Variants in EFCAB5 observed in about 807,000 individuals in gnomAD.
EFCAB5 encodes EF-hand calcium binding domain 5.
Under a neutral mutation model 167.9 loss-of-function variants are expected in EFCAB5, and 131 were observed. The observed-to-expected ratio is 0.78, with a 90% CI of 0.68 to 0.90. The LOEUF (loss-of-function observed/expected upper bound fraction) is 0.90, where lower values mean the gene tolerates loss of function less well. EFCAB5 is among the 40% of genes least tolerant of loss of function. The pLI, the probability that EFCAB5 is intolerant of heterozygous loss-of-function variation, is 0.00. For synonymous variants in EFCAB5, 574 were observed against 602.8 expected (o/e 0.95, Z 0.70); for missense variants, 1,663 against 1,745.2 (o/e 0.95, Z 0.84).
At chr17:30,046,758 T>C (rs1011446069) in intron 8 of EFCAB5, among the ~76,000 whole-genome samples, 15 of 152,202 alleles carry the variant, frequency 9.9e-5, no homozygotes, top group Non-Finnish European at 4.4e-5. Flanking sequence ...TTTTCTTTCC[T>C]TAGAGATCCT....
intron 4 of EFCAB5, among the ~76,000 whole-genome samples, chr17:29,978,358 A>T (rs1322550510): frequency 6.6e-6 from 1 of 152,230 alleles, no homozygotes; most frequent in Non-Finnish European, 1.5e-5. Flanking sequence ...TTGTGGTAGG[A>T]CTTTATCCAA....
chr17:30,048,827 A>C (rs944455810), intron 8 of EFCAB5, among the ~76,000 whole-genome samples: 1 of 152,170 alleles, frequency 6.6e-6, no homozygotes, highest in South Asian at 2.1e-4. Context: ...CTCTATTTAC[A>C]TGGCTATTCC....
intron 4 of EFCAB5, among the ~76,000 whole-genome samples, chr17:29,979,406 C>T (rs1399326735): frequency 1.3e-5 from 2 of 152,174 alleles, no homozygotes; most frequent in Non-Finnish European, 2.9e-5. Context: ...TCTATCTGAG[C>T]TACCCAGCAT....
intron 14 of EFCAB5, among the ~76,000 whole-genome samples, chr17:30,075,670 C>T (rs899526708): frequency 2.0e-5 from 3 of 152,114 alleles, no homozygotes; most frequent in Admixed American, 1.3e-4. Flanking sequence ...GTAAGGCCAG[C>T]GTCTTTACCC....
chr17:30,055,925 T>C lies in EFCAB5; in HGVS notation c.2232T>C (p.Cys744=), dbSNP rs1163881364. The change falls in exon 11 of 23, where the codon TGT becomes TGC. Residue 744 remains cysteine, a synonymous_variant. Coordinates refer to ENST00000394835, the MANE Select transcript of EFCAB5 (RefSeq NM_198529.4). Reference sequence around the variant, plus strand: ...AGGAAGTTCAGAAAGACAAGCCCTGTGAACCCAAGTCCCAAAAAATAGAAG... The same window carrying C: ...AGGAAGTTCAGAAAGACAAGCCCTGCGAACCCAAGTCCCAAAAAATAGAAG... The part of the protein sequence containing the change: ...TKKEVQKDKP[C]EPKSQKIEGK... 1.9e-5 allele frequency: 30 copies of C among 1,613,612 alleles called. No individual in the cohort carries two copies. The highest frequency in any genetic ancestry group is 2.5e-5 in the Non-Finnish European group (29 of 1,179,792).
chr17:29,964,156 C>A (rs2067778464), intron 3 of EFCAB5, among the ~76,000 whole-genome samples: 2 of 152,118 alleles, frequency 1.3e-5, no homozygotes, highest in Admixed American at 1.3e-4. Flanking sequence ...TATAGCGACA[C>A]AAAATAAACT....
chr17:30,107,814 C>CTT lies in EFCAB5; in HGVS notation c.4322-12_4322-11dup. On this transcript the variant is annotated intron_variant, in intron 22 of 22. Transcript: ENST00000394835. ...TGCAAAACTCTCCACTCTTACTTTTCTTTTTTTTTCCTGATGCAGATCATT... is the reference window on the plus strand; with the variant it reads ...TGCAAAACTCTCCACTCTTACTTTTCTTTTTTTTTTTCCTGATGCAGATCATT... The CTT allele has an allele frequency of 2.9e-6, 3 of 1,018,160 alleles. No homozygotes were observed. The highest frequency in any genetic ancestry group is 5.4e-5 in the Admixed American group (1 of 18,450). 63.1% of individuals were successfully genotyped at this position (1,018,160 alleles called of 1,614,324 possible).
chr17:30,003,104 G>T (rs115024453), intron 7 of EFCAB5, among the ~76,000 whole-genome samples: 58 of 141,462 alleles, frequency 4.1e-4, no homozygotes, highest in Admixed American at 7.1e-4. Flanking sequence ...TGTAGCGGGG[G>T]GGGGGTCTGA....
chr17:30,045,082 A>T (rs1329419302), intron 8 of EFCAB5, among the ~76,000 whole-genome samples: 1 of 152,218 alleles, frequency 6.6e-6, no homozygotes, highest in Non-Finnish European at 1.5e-5. Flanking sequence ...ATATGAAATT[A>T]TAGAAAAAGG....
At chr17:30,014,053 G>A (rs956269378) in intron 7 of EFCAB5, among the ~76,000 whole-genome samples, 8 of 152,068 alleles carry the variant, frequency 5.3e-5, no homozygotes, top group South Asian at 2.1e-4. Context: ...CCTTCATTTC[G>A]TTATGTACCC....
At chr17:30,017,436 C>A (rs900790284) in intron 7 of EFCAB5, among the ~76,000 whole-genome samples, 1 of 148,096 alleles carries the variant, frequency 6.8e-6, no homozygotes, top group African/African-American at 2.7e-5. Flanking sequence ...TTATATACTA[C>A]GCCACTACAG....
intron 4 of EFCAB5, among the ~76,000 whole-genome samples, chr17:29,969,889 A>C (rs2067913688): frequency 1.3e-5 from 2 of 152,154 alleles, no homozygotes; most frequent in Admixed American, 1.3e-4. Context: ...TCTTTTACAC[A>C]AAAGCATGTG....
chr17:30,072,152 A>G (rs1375310643), intron 14 of EFCAB5, among the ~76,000 whole-genome samples: 1 of 152,202 alleles, frequency 6.6e-6, no homozygotes, highest in Non-Finnish European at 1.5e-5. Flanking sequence ...CAGATTTTGA[A>G]TGTTCCCAAC....
chr17:30,054,208 C>A (rs1051781577), intron 10 of EFCAB5, 60 bp downstream of exon 10: 1 of 1,458,678 alleles, frequency 6.9e-7, no homozygotes, highest in East Asian at 2.5e-5. Context: ...TTTTTAAAGT[C>A]TTTTCAGAAA....
In EFCAB5 at chr17:30,053,533, C is replaced by A. The variant is rs775099687; in HGVS notation, c.1579C>A (p.Gln527Lys). 6.2e-7 allele frequency: 1 copy of A among 1,613,760 alleles called. No homozygotes were observed. Among genetic ancestry groups the A allele is most frequent in the African/African-American group, 1.3e-5 (1 of 74,994 alleles). ...GPQRISIEEQQQGKKPTAEQE... is the reference protein window; with the variant it reads ...GPQRISIEEQKQGKKPTAEQE... Reference sequence around the variant, plus strand: ...ACAAAGAATTTCAATTGAAGAACAACAACAAGGCAAAAAGCCAACTGCAGA... The same window carrying A: ...ACAAAGAATTTCAATTGAAGAACAAAAACAAGGCAAAAAGCCAACTGCAGA... Residue 527 changes from glutamine to lysine, a missense_variant, in exon 10 of 23, where the codon CAA becomes AAA. Physicochemically the swap from Gln to Lys is moderately conservative, Grantham distance 53. Coordinates refer to ENST00000394835, the MANE Select transcript of EFCAB5 (RefSeq NM_198529.4).
At chr17:30,022,834 C>T (rs963252524) in intron 7 of EFCAB5, among the ~76,000 whole-genome samples, 2 of 152,114 alleles carry the variant, frequency 1.3e-5, no homozygotes, top group African/African-American at 4.8e-5. Context: ...AACTATCTCT[C>T]GGACCACAGT....
Position 30,053,880 on chromosome 17 carries a change from A to G in EFCAB5, c.1926A>G (p.Ser642=), listed in dbSNP as rs1490803774. Residue 642 remains serine (S), a synonymous_variant, in exon 10 of 23, where the codon TCA becomes TCG. Transcript: ENST00000394835. ...CAGAACAGGGATCACTCAGAGAGTCAGTAATAGAAGAACCATACCAAAAAT... is the reference window on the plus strand; with the variant it reads ...CAGAACAGGGATCACTCAGAGAGTCGGTAATAGAAGAACCATACCAAAAAT... ...SAAEQGSLRE[S]VIEEPYQKSE... 3.7e-6 allele frequency: 6 copies of G among 1,613,982 alleles called. No individual in the cohort carries two copies. The highest frequency in any genetic ancestry group is 4.2e-6 in the Non-Finnish European group (5 of 1,179,914).
intron 1 of EFCAB5, among the ~76,000 whole-genome samples, chr17:29,936,559 A>G (rs2067247015): frequency 6.6e-6 from 1 of 152,220 alleles, no homozygotes; most frequent in Non-Finnish European, 1.5e-5. Flanking sequence ...AGCACAGTAT[A>G]ACAAAGCCAG....
chr17:30,007,767 G>A (rs1444072890), intron 7 of EFCAB5, among the ~76,000 whole-genome samples: 1 of 152,164 alleles, frequency 6.6e-6, no homozygotes, highest in Non-Finnish European at 1.5e-5. Context: ...CTGGAGGATC[G>A]CTTGAGCCTA....
Sources: allele counts gnomAD v4.1 joint callset (sites outside exome capture counted in the v4.1 genomes callset), GRCh38; gene constraint gnomAD v4.1.1; transcripts MANE v1.5; gene names NCBI Gene and HGNC (gene_info 2026-07-23, HGNC 2026-07-21).